GALNT17: variants seen among roughly 807,000 people sequenced by gnomAD.
GALNT17 encodes polypeptide N-acetylgalactosaminyltransferase 17.
A neutral mutation model predicts 63.7 loss-of-function variants in GALNT17; 29 were observed. The ratio of observed to expected loss-of-function variants is 0.46; its 90% CI spans 0.34 to 0.62. GALNT17 has a LOEUF of 0.62. GALNT17 is among the 20% of genes least tolerant of loss of function. The pLI is 0.01. For synonymous variants in GALNT17, 305 were observed against 318.3 expected, an observed-to-expected ratio of 0.96 and a Z score of 0.45; for missense variants, 603 against 799.6, an observed-to-expected ratio of 0.75 and a Z score of 2.97.
intron 1 of GALNT17, among the ~76,000 whole-genome samples, chr7:71,197,068 T>C (rs1789064530): frequency 6.6e-6 from 1 of 152,114 alleles, no homozygotes; most frequent in African/African-American, 2.4e-5. Flanking sequence ...AATCACATCA[T>C]GGAAAATGGG....
chr7:71,489,094 A>G (rs10236816), intron 5 of GALNT17, among the ~76,000 whole-genome samples: 9,529 of 151,110 alleles, frequency 0.063, 435 homozygotes, highest in African/African-American at 0.13. Flanking sequence ...GGGTTTCACT[A>G]TGTTGGTCAG....
intron 6 of GALNT17, among the ~76,000 whole-genome samples, chr7:71,612,414 G>A (rs1291211458): frequency 6.6e-6 from 1 of 152,132 alleles, no homozygotes; most frequent in East Asian, 1.9e-4. Flanking sequence ...TTGCAACGTG[G>A]ACCACCAGCA....
chr7:71,173,236 AG>A (rs1487472518), intron 1 of GALNT17, among the ~76,000 whole-genome samples: 5 of 152,096 alleles, frequency 3.3e-5, no homozygotes, highest in African/African-American at 9.7e-5. Flanking sequence ...AGGGACCGTC[AG>A]GGTTTGGCAG....
intron 2 of GALNT17, among the ~76,000 whole-genome samples, chr7:71,337,901 C>CAAA (rs1791938637): frequency 6.6e-6 from 1 of 151,672 alleles, no homozygotes. Context: ...ACAACAACAA[C>CAAA]AAAAAAACTT....
rs1222684486 is a variant in GALNT17, at chr7:71,710,746, C to G, written c.1501-15C>G. The G allele has an allele frequency of 6.2e-7, 1 of 1,611,202 alleles. No homozygotes were observed. The highest frequency in any genetic ancestry group is 8.5e-7 in the Non-Finnish European group (1 of 1,179,628). Reference sequence around the variant, plus strand: ...CTCCCACTTCCATTCCCCTGCTGCTCTGGTCTCTCGACAGCTTGCCCGCTA... The same window carrying G: ...CTCCCACTTCCATTCCCCTGCTGCTGTGGTCTCTCGACAGCTTGCCCGCTA... On this transcript the variant is annotated splice_polypyrimidine_tract_variant and intron_variant, in intron 9 of 10. Coordinates refer to ENST00000333538, the MANE Select transcript of GALNT17 (RefSeq NM_022479.3).
intron 5 of GALNT17, among the ~76,000 whole-genome samples, chr7:71,449,271 C>T (rs1787217575): frequency 6.6e-6 from 1 of 151,868 alleles, no homozygotes; most frequent in Admixed American, 6.6e-5. Flanking sequence ...GCCACCACAC[C>T]TGGCTAATTT....
At chr7:71,169,034 G>GGGTACTTTCTCCCAGCCTGGGGTC (rs1412455988) in intron 1 of GALNT17, among the ~76,000 whole-genome samples, 7 of 152,046 alleles carry the variant, frequency 4.6e-5, no homozygotes, top group African/African-American at 1.5e-4. Flanking sequence ...CCTTTGGGGT[G>GGGTACTTTCTCCCAGCCTGGGGTC]GGTCCTTTCT....
chr7:71,133,051 A>G lies in GALNT17; in HGVS notation c.238+11A>G, dbSNP rs1787715079. ...ACCGGCAGCTGAATGGTAAGGACGC[A>G]CGCCGGCGCCTCCGGGGCTCGACGC... On this transcript the variant is annotated intron_variant, in intron 1 of 10. Transcript: ENST00000333538. 1.3e-6 allele frequency: 2 copies of G among 1,537,948 alleles called. No homozygotes were observed. The highest frequency in any genetic ancestry group is 1.7e-6 in the Non-Finnish European group (2 of 1,145,842).
intron 5 of GALNT17, among the ~76,000 whole-genome samples, chr7:71,524,500 C>A (rs1308830535): frequency 6.6e-6 from 1 of 151,994 alleles, no homozygotes; most frequent in Admixed American, 6.6e-5. Context: ...AAACTCTACC[C>A]AAAGCCTACA....
rs138682786 is a variant in GALNT17 at position 71,686,843 on chromosome 7, C to G, written c.1500+9537C>G. Among the ~76,000 whole-genome samples, 1,117 of 152,294 alleles carry G rather than the reference C, an allele frequency of 7.3e-3. 17 individuals are homozygous for G. The highest frequency in any genetic ancestry group is 0.026 in the African/African-American group (1,072 of 41,574). On this transcript the variant is annotated intron_variant, in intron 9 of 10. Coordinates refer to ENST00000333538, the MANE Select transcript of GALNT17 (RefSeq NM_022479.3). The stretch of plus-strand genomic sequence containing the variant: ...GTCCCCGAGCTGAGACTCACTGCCC[C>G]TCCACAGCCCATACCATGGACGAGG...
intron 5 of GALNT17, among the ~76,000 whole-genome samples, chr7:71,549,858 G>C (rs184041833): frequency 3.3e-5 from 5 of 151,930 alleles, no homozygotes; most frequent in Admixed American, 2.0e-4. Flanking sequence ...CTGAGAGAAA[G>C]TAGATTCTCT....
intron 5 of GALNT17, among the ~76,000 whole-genome samples, chr7:71,473,095 A>G (rs1169329879): frequency 6.6e-6 from 1 of 152,190 alleles, no homozygotes; most frequent in African/African-American, 2.4e-5. Flanking sequence ...TGGGGCTGGT[A>G]TGAGGCCATT....
chr7:71,140,650 A>G (rs1268816143), intron 1 of GALNT17, among the ~76,000 whole-genome samples: 2 of 152,218 alleles, frequency 1.3e-5, no homozygotes, highest in African/African-American at 2.4e-5. Context: ...GACCACAGGA[A>G]GTTGGAACAT....
At chr7:71,622,802 T>C (rs1790315987) in intron 6 of GALNT17, among the ~76,000 whole-genome samples, 1 of 152,168 alleles carries the variant, frequency 6.6e-6, no homozygotes, top group Admixed American at 6.5e-5. Context: ...TCTAAGGCAC[T>C]ATAGGTAGCA....
At chr7:71,145,896 G>A (rs1562861005) in intron 1 of GALNT17, among the ~76,000 whole-genome samples, 2 of 152,046 alleles carry the variant, frequency 1.3e-5, no homozygotes, top group African/African-American at 2.4e-5. Flanking sequence ...AGTAGACACT[G>A]GTTTTCACCA....
chr7:71,626,564 T>C (rs1486187120), intron 6 of GALNT17, among the ~76,000 whole-genome samples: 1 of 152,194 alleles, frequency 6.6e-6, no homozygotes, highest in Non-Finnish European at 1.5e-5. Context: ...AGATAATTGC[T>C]CTAGAAGCTG....
chr7:71,160,538 A>C (rs1196181176), intron 1 of GALNT17, among the ~76,000 whole-genome samples: 2 of 152,100 alleles, frequency 1.3e-5, no homozygotes, highest in Non-Finnish European at 2.9e-5. Context: ...AGCTCACAGC[A>C]AACTCTGCCT....
intron 1 of GALNT17, among the ~76,000 whole-genome samples, chr7:71,301,846 A>G (rs982481223): frequency 6.6e-6 from 1 of 152,248 alleles, no homozygotes; most frequent in African/African-American, 2.4e-5. Flanking sequence ...TGTCTTTTGA[A>G]TGAACCCTTT....
In GALNT17 at chr7:71,375,590, T is replaced by C. The variant is rs192389994; in HGVS notation, c.423-12645T>C. ...CGTGTCACCATGCCTATCTAATTTA[T>C]AAATTATTTTTAGAGACACGGATCT... is the stretch of plus-strand genomic sequence containing the variant. On this transcript the variant is annotated intron_variant, in intron 2 of 10. Transcript: ENST00000333538. 3.3e-4 allele frequency among the ~76,000 whole-genome samples: 50 copies of C among 152,256 alleles called. No individual in the cohort carries two copies. In the East Asian group the frequency reaches 7.5e-3, roughly 23 times the overall value.
Sources: allele counts gnomAD v4.1 joint callset (sites outside exome capture counted in the v4.1 genomes callset), GRCh38; gene constraint gnomAD v4.1.1; transcripts MANE v1.5; gene names NCBI Gene and HGNC (gene_info 2026-07-23, HGNC 2026-07-21).